The following CASZ1 variants were observed in gnomAD, a reference collection of about 807,000 sequenced individuals.
CASZ1 encodes the protein castor zinc finger 1.
In CASZ1, 28 loss-of-function variants were observed where a neutral mutation model predicts 135.2. The observed-to-expected ratio is 0.21, with a 90% CI of 0.15 to 0.28. The LOEUF (loss-of-function observed/expected upper bound fraction) is 0.28, where lower values mean the gene tolerates loss of function less well. Among genes scored for constraint, CASZ1 ranks in the 10% least tolerant of loss-of-function variants. The pLI is 1.00. For missense variants in CASZ1, 2,161 were observed against 2,453.3 expected (o/e 0.88, Z 2.52); for synonymous variants, 1,068 against 1,073.4 (o/e 0.99, Z 0.10).
chr1:10,722,588 G>A (rs747641028), intron 2 of CASZ1, among the ~76,000 whole-genome samples: 13 of 152,196 alleles, frequency 8.5e-5, no homozygotes, highest in Admixed American at 3.9e-4. Flanking sequence ...CTGAAAACTG[G>A]GTGCTGGGAG....
At chr1:10,708,922 T>G (rs1570508030) in intron 2 of CASZ1, among the ~76,000 whole-genome samples, 3 of 95,372 alleles carry the variant, frequency 3.1e-5, no homozygotes, top group African/African-American at 4.1e-5. Context: ...GCACAAGAGG[T>G]GCCAGGGTCG....
intron 17 of CASZ1, among the ~76,000 whole-genome samples, chr1:10,645,708 TC>T (rs1344055728): frequency 6.6e-6 from 1 of 152,190 alleles, no homozygotes; most frequent in South Asian, 2.1e-4. Context: ...GGGCCCAGTT[TC>T]CCCCTCAGGC....
intron 2 of CASZ1, among the ~76,000 whole-genome samples, chr1:10,733,990 G>A (rs1303798078): frequency 6.6e-6 from 1 of 152,206 alleles, no homozygotes; most frequent in Admixed American, 6.5e-5. Context: ...GAAAGTGCTA[G>A]TCTCACCCCT....
At chr1:10,758,705 C>T (rs1221763342) in intron 2 of CASZ1, among the ~76,000 whole-genome samples, 1 of 152,156 alleles carries the variant, frequency 6.6e-6, no homozygotes, top group African/African-American at 2.4e-5. Context: ...GGAATCTGAG[C>T]CAGACAGGGT....
chr1:10,719,463 C>A lies in CASZ1; in HGVS notation c.-76-13919G>T, dbSNP rs965380789. ...CAAGGTGATGTCCTAAGGCTGCACA[C>A]GCCATGCATTTAGAATCTGAGTGCT... On this transcript the variant is annotated intron_variant, in intron 2 of 20. Coordinates refer to ENST00000377022, the MANE Select transcript of CASZ1 (RefSeq NM_001079843.3). The surrounding 1 kb of genome is among the most constrained non-coding windows in gnomAD (Gnocchi z 4.0). 6.6e-6 allele frequency among the ~76,000 whole-genome samples: 1 copy of A among 152,350 alleles called. No individual in the cohort carries two copies. The highest frequency in any genetic ancestry group is 6.5e-5 in the Admixed American group (1 of 15,302).
chr1:10,697,596 C>T lies in CASZ1; in HGVS notation c.-23-3684G>A, dbSNP rs566722567. Reference sequence around the variant, plus strand: ...GCTATCGCTGGTTCCTGTTACCCCCCCCGCACCCCCAAGTTGCCCACCTAC... The same window carrying T: ...GCTATCGCTGGTTCCTGTTACCCCCTCCGCACCCCCAAGTTGCCCACCTAC... On this transcript the variant is annotated intron_variant, in intron 3 of 20. Transcript: ENST00000377022. This position sits in a 1 kb window ranked among gnomAD's most constrained non-coding sequence, Gnocchi z 4.7. Among the ~76,000 whole-genome samples, 3 of 151,774 alleles carry T rather than the reference C, an allele frequency of 2.0e-5. No homozygotes were observed. Among genetic ancestry groups the T allele is most frequent in the Non-Finnish European group, 4.4e-5 (3 of 67,964 alleles).
At chr1:10,761,401 G>C (rs1640372142) in intron 1 of CASZ1, among the ~76,000 whole-genome samples, 1 of 152,224 alleles carries the variant, frequency 6.6e-6, no homozygotes, top group Non-Finnish European at 1.5e-5. Context: ...CAGCGACCCA[G>C]GATAGTGAAT....
In CASZ1 at chr1:10,646,118, C is replaced by T; in HGVS notation, c.3696+10G>A. 1 of 1,613,694 alleles carries T rather than the reference C, an allele frequency of 6.2e-7. No individual in the cohort carries two copies. The highest frequency in any genetic ancestry group is 1.7e-5 in the Admixed American group (1 of 60,012). On this transcript the variant is annotated intron_variant, in intron 17 of 20. Transcript: ENST00000377022. The surrounding 1 kb of genome is among the most constrained non-coding windows in gnomAD (Gnocchi z 6.4). Reference sequence around the variant, plus strand: ...TACTCTGCCCCTGCGCCGTGTACCGCCATGCTGACCTGGTTGGGACAGAGA... The same window carrying T: ...TACTCTGCCCCTGCGCCGTGTACCGTCATGCTGACCTGGTTGGGACAGAGA...
chr1:10,766,408 T>C (rs1323877618), intron 1 of CASZ1, among the ~76,000 whole-genome samples: 1 of 152,234 alleles, frequency 6.6e-6, no homozygotes, highest in Non-Finnish European at 1.5e-5. Context: ...GGGATAAAGA[T>C]AGTTCCTCTG....
chr1:10,784,102 A>C (rs868728648), intron 1 of CASZ1, among the ~76,000 whole-genome samples: 30 of 152,148 alleles, frequency 2.0e-4, no homozygotes, highest in South Asian at 4.1e-4. Flanking sequence ...TGGGAAAAGA[A>C]GGGCTTAAGC....
chr1:10,655,808 G>GCTT lies in CASZ1; in HGVS notation c.1505_1506insAAG (p.Phe502delinsLeuSer), dbSNP rs1642768719. On this transcript the variant is annotated protein_altering_variant, in exon 9 of 21. Coordinates refer to ENST00000377022, the MANE Select transcript of CASZ1 (RefSeq NM_001079843.3). ...GGCGGATCACGTCCTGCTTACTCGT[G>GCTT]AACCTCTGCCAGGAGACAGCGCCAC... The GCTT allele has an allele frequency of 6.2e-7, 1 of 1,613,542 alleles. No homozygotes were observed. The highest frequency in any genetic ancestry group is 1.7e-5 in the Admixed American group (1 of 60,008).
At position 10,739,374 on chromosome 1, in the gene CASZ1, T is replaced by C. The variant is rs368547379; in HGVS notation, c.-77+21327A>G. Among the ~76,000 whole-genome samples, 144 of 151,942 alleles carry C rather than the reference T, an allele frequency of 9.5e-4. No homozygotes were observed. The highest frequency in any genetic ancestry group is 3.4e-3 in the Middle Eastern group (1 of 294). On this transcript the variant is annotated intron_variant, in intron 2 of 20. Coordinates refer to ENST00000377022, the MANE Select transcript of CASZ1 (RefSeq NM_001079843.3). This position sits in a 1 kb window ranked among gnomAD's most constrained non-coding sequence, Gnocchi z 4.8. ...CCCTCCCAGGGGCCCGGGCCCAGGG[T>C]GGCCACGGTGAGGAGGAGGAGGACC...
At chr1:10,749,529 G>A (rs988421246) in intron 2 of CASZ1, among the ~76,000 whole-genome samples, 3 of 152,136 alleles carry the variant, frequency 2.0e-5, no homozygotes, top group African/African-American at 7.2e-5. Context: ...TTACAGGTGT[G>A]AGCCACCACG....
At chr1:10,668,805 C>T (rs928245197) in intron 4 of CASZ1, among the ~76,000 whole-genome samples, 4 of 152,262 alleles carry the variant, frequency 2.6e-5, no homozygotes, top group African/African-American at 9.6e-5. Flanking sequence ...GTGCCAAGCA[C>T]AGGGCCTAGC....
intron 20 of CASZ1, among the ~76,000 whole-genome samples, chr1:10,640,790 T>C (rs1300039374): frequency 6.6e-6 from 1 of 152,154 alleles, no homozygotes; most frequent in Non-Finnish European, 1.5e-5. Flanking sequence ...GGCTCAGCCA[T>C]GGGGAGCGGA....
At chr1:10,740,314 A>T (rs938347207) in intron 2 of CASZ1, among the ~76,000 whole-genome samples, 2 of 152,238 alleles carry the variant, frequency 1.3e-5, no homozygotes, top group African/African-American at 4.8e-5. Flanking sequence ...CGTTCCAGTG[A>T]GGAACCTGAA....
intron 4 of CASZ1, among the ~76,000 whole-genome samples, chr1:10,668,245 GC>G (rs1291594551): frequency 1.3e-5 from 2 of 152,258 alleles, no homozygotes; most frequent in Non-Finnish European, 2.9e-5. Context: ...TAGACGATCC[GC>G]CCCCCACCCC....
In CASZ1 at chr1:10,680,556, C is replaced by T. The variant is rs74860475; in HGVS notation, c.16+13318G>A. ...CTCAGGGGGTGCAGTGTTGCACGCT[C>T]CAGCATTACTGTGTCACACTCCAGA... On this transcript the variant is annotated intron_variant, in intron 4 of 20. Transcript: ENST00000377022. Among the ~76,000 whole-genome samples the T allele has an allele frequency of 3.9e-3, 593 of 152,300 alleles. 7 individuals are homozygous for T. The highest frequency in any genetic ancestry group is 0.013 in the African/African-American group (534 of 41,562).
At chr1:10,690,168 A>G (rs1273659038) in intron 4 of CASZ1, among the ~76,000 whole-genome samples, 1 of 152,262 alleles carries the variant, frequency 6.6e-6, no homozygotes, top group African/African-American at 2.4e-5. Context: ...AGTACAGCAC[A>G]GGAACCTTCT....
Sources: gnomAD v4.1 joint callset for allele counts (sites outside exome capture counted in the v4.1 genomes callset) on GRCh38, gnomAD v4.1.1 for gene constraint, Gnocchi (gnomAD v3.1) non-coding constraint, MANE v1.5 for transcripts, NCBI Gene and HGNC (gene_info 2026-07-23, HGNC 2026-07-21) for gene names.